CD8B: variants seen among roughly 807,000 people sequenced by gnomAD.
CD8B encodes T-cell surface glycoprotein CD8 beta chain.
Under a neutral mutation model 24.2 loss-of-function variants are expected in CD8B, and 6 were observed. The observed-to-expected ratio is 0.25, with a 90% CI of 0.14 to 0.49. CD8B has a LOEUF of 0.49. Ranked by LOEUF, CD8B falls within the 20% of genes least tolerant of loss-of-function variation. CD8B has a pLI of 0.98. For synonymous variants in CD8B, 84 were observed against 108.3 expected, an observed-to-expected ratio of 0.78 and a Z score of 1.39; for missense variants, 196 against 271.3, an observed-to-expected ratio of 0.72 and a Z score of 1.95.
chr2:86,815,881 G>T (rs750315629), intron 5 of CD8B, among the ~76,000 whole-genome samples: 1 of 152,138 alleles, frequency 6.6e-6, no homozygotes, highest in Non-Finnish European at 1.5e-5. Flanking sequence ...TAGGCCTAGG[G>T]TTACCACAGG....
At chr2:86,819,122 T>A (rs977539316) in intron 5 of CD8B, among the ~76,000 whole-genome samples, 1 of 152,154 alleles carries the variant, frequency 6.6e-6, no homozygotes, top group African/African-American at 2.4e-5. Flanking sequence ...AGTTTGAAGC[T>A]AGGAGAGGTT....
chr2:86,830,955 G>A (rs771890394), intron 5 of CD8B, among the ~76,000 whole-genome samples: 4 of 150,192 alleles, frequency 2.7e-5, no homozygotes, highest in South Asian at 2.1e-4. Flanking sequence ...TTTAAGAAAC[G>A]TTATTTATTT....
rs553297435 is a variant in CD8B, at chr2:86,815,769, G to A, written c.621-51C>T. 3.1e-6 allele frequency: 3 copies of A among 976,606 alleles called. No homozygotes were observed. The Admixed American group carries it at 5.3e-5, about 17-fold the overall frequency. The allele number at this position is 976,606 out of a possible 1,614,324, so 60.5% of individuals were successfully genotyped here. A position where few individuals can be genotyped will look rare whatever the true frequency, so the allele number is the denominator to read the frequency against. On this transcript the variant is annotated intron_variant, in intron 5 of 5. Transcript: ENST00000331469. ...CTCAATACATGCACCAAGTCAAGGT[G>A]TTGGTTACTTATTAAGTAATGACTG...
chr2:86,848,023 G>A (rs573132043), intron 3 of CD8B, among the ~76,000 whole-genome samples: 1 of 152,274 alleles, frequency 6.6e-6, no homozygotes, highest in Admixed American at 6.5e-5. Context: ...TGTACCATGA[G>A]TTACTTGTCA....
intron 5 of CD8B, among the ~76,000 whole-genome samples, chr2:86,821,964 T>C (rs1441694144): frequency 6.6e-6 from 1 of 152,140 alleles, no homozygotes; most frequent in Non-Finnish European, 1.5e-5. Context: ...TTCTTTCAGG[T>C]TCTGTATTGT....
intron 5 of CD8B, among the ~76,000 whole-genome samples, chr2:86,821,506 GAC>G (rs1479099294): frequency 6.6e-6 from 1 of 152,174 alleles, no homozygotes; most frequent in Non-Finnish European, 1.5e-5. Flanking sequence ...TTGTCCTGCG[GAC>G]ACACTTGAGT....
intron 1 of CD8B, 48 bp from the exon 2 acceptor site, chr2:86,858,464 C>T: frequency 6.5e-7 from 1 of 1,532,998 alleles, no homozygotes; most frequent in Non-Finnish European, 8.8e-7. Context: ...CTAGCCACAG[C>T]TGTGGGACCT....
chr2:86,853,199 TC>T (rs1262286175), intron 2 of CD8B, 113 bp from the exon 3 acceptor site: 8 of 1,514,524 alleles, frequency 5.3e-6, no homozygotes, highest in Non-Finnish European at 7.1e-6. Context: ...TCCCAACACT[TC>T]CGGAGGCCAA....
At chr2:86,830,388 G>A (rs1009000968) in intron 5 of CD8B, among the ~76,000 whole-genome samples, 1 of 152,024 alleles carries the variant, frequency 6.6e-6, no homozygotes, top group Non-Finnish European at 1.5e-5. Context: ...CCAACGTGGC[G>A]AAACCCTATC....
Position 86,841,680 on chromosome 2 carries a change from T to C in CD8B, c.*627A>G. ...GCATTAAGCCATGGGAGAGTAGAAA[T>C]GGGAGCTGAGAAACTTAAGAGTAGA... On this transcript the variant is annotated 3_prime_UTR_variant, in exon 6 of 6. Coordinates refer to ENST00000390655, the MANE Select transcript of CD8B (RefSeq NM_004931.5). 1.0e-6 allele frequency: 1 copy of C among 983,918 alleles called. No homozygotes were observed. The allele number at this position is 983,918 out of a possible 1,614,324, so 60.9% of individuals were successfully genotyped here.
intron 5 of CD8B, among the ~76,000 whole-genome samples, chr2:86,825,444 A>G (rs965749226): frequency 1.8e-4 from 28 of 152,066 alleles, no homozygotes; most frequent in Non-Finnish European, 3.4e-4. Context: ...GCTCATTTCA[A>G]TCTGACCCCA....
Position 86,858,216 on chromosome 2 carries a change from C to G in CD8B, c.244G>C (p.Gly82Arg). The stretch of plus-strand genomic sequence containing the variant: ...ATCTTCTCCTGTTCCACCTCTTCAC[C>G]GTGGATAGTCCCTTTTGCGGAATCC... ...LWDSAKGTIHGEEVEQEKIAV... is the reference protein window; with the variant it reads ...LWDSAKGTIHREEVEQEKIAV... The change falls in exon 2 of 6, where the codon GGT (glycine) becomes CGT (arginine). Residue 82 changes from glycine (G) to arginine (R), a missense_variant. Gly to Arg is a moderately radical substitution (Grantham distance 125). Transcript: ENST00000390655. 1.2e-6 allele frequency: 2 copies of G among 1,614,046 alleles called. No individual in the cohort carries two copies. Among genetic ancestry groups the G allele is most frequent in the South Asian group, 2.2e-5 (2 of 91,080 alleles).
intron 5 of CD8B, among the ~76,000 whole-genome samples, chr2:86,824,043 A>G (rs931481616): frequency 1.3e-5 from 2 of 151,282 alleles, no homozygotes; most frequent in Non-Finnish European, 2.9e-5. Context: ...GGCAGGCCTC[A>G]GCACTGGGGA....
chr2:86,826,068 G>A (rs749801958), intron 5 of CD8B, among the ~76,000 whole-genome samples: 5 of 152,166 alleles, frequency 3.3e-5, no homozygotes, highest in East Asian at 3.9e-4. Context: ...GTTTGCAGGC[G>A]GTTTTTTAGA....
At chr2:86,833,720 G>T (rs947096298), downstream of CD8B, among the ~76,000 whole-genome samples, 19 of 148,416 alleles carry the variant, frequency 1.3e-4, no homozygotes, top group African/African-American at 4.7e-4. Flanking sequence ...GGAGTGCAGT[G>T]GCTTGCTGTA....
At chr2:86,819,035 A>G (rs1217593010) in intron 5 of CD8B, among the ~76,000 whole-genome samples, 2 of 152,330 alleles carry the variant, frequency 1.3e-5, no homozygotes, top group Non-Finnish European at 2.9e-5. Flanking sequence ...CCCTTAAGCA[A>G]AAGCCTAATC....
At chr2:86,852,298 T>C (rs1455629177) in intron 3 of CD8B, among the ~76,000 whole-genome samples, 1 of 152,258 alleles carries the variant, frequency 6.6e-6, no homozygotes, top group African/African-American at 2.4e-5. Context: ...GCTGGTCCTT[T>C]GAGTGGATTT....
chr2:86,848,208 T>C (rs924924043), intron 3 of CD8B, among the ~76,000 whole-genome samples: 5 of 152,214 alleles, frequency 3.3e-5, no homozygotes, highest in African/African-American at 1.2e-4. Flanking sequence ...AATGCCTCCC[T>C]AAAAGGCGGC....
chr2:86,846,734 G>A lies in CD8B; in HGVS notation c.533C>T (p.Ala178Val), dbSNP rs767697125. The A allele has an allele frequency of 1.9e-6, 3 of 1,585,354 alleles. No individual in the cohort carries two copies. Among genetic ancestry groups the A allele is most frequent in the Non-Finnish European group, 1.7e-6 (2 of 1,165,164 alleles). ...GGAAACCAGCAGAACCAGGACGCCA[G>A]CCACCAGCAGGCCAAGGGTGATGGG... ...CSPITLGLLV[A>V]GVLVLLVSLG... The change falls in exon 4 of 6, where the codon GCT becomes GTT. Residue 178 changes from alanine to valine, a missense_variant. Coordinates refer to ENST00000390655, the MANE Select transcript of CD8B (RefSeq NM_004931.5).
Sources: gnomAD v4.1 joint callset for allele counts (sites outside exome capture counted in the v4.1 genomes callset) on GRCh38, gnomAD v4.1.1 for gene constraint, MANE v1.5 for transcripts, NCBI Gene and HGNC (gene_info 2026-07-23, HGNC 2026-07-21) for gene names.